The following SLC16A9 variants were observed in gnomAD, a reference collection of about 807,000 sequenced individuals.
SLC16A9 encodes monocarboxylate transporter 9.
Under a neutral mutation model 44.3 loss-of-function variants are expected in SLC16A9, and 26 were observed. The ratio of observed to expected loss-of-function variants is 0.59; its 90% CI spans 0.43 to 0.81. The LOEUF is 0.81. Among genes scored for constraint, SLC16A9 ranks in the 40% least tolerant of loss-of-function variants. SLC16A9 has a pLI of 0.00. For synonymous variants in SLC16A9, 230 were observed against 225.1 expected (o/e 1.02, Z -0.19); for missense variants, 559 against 595.8 (o/e 0.94, Z 0.64).
At chr10:59,666,871 C>CAAAA (rs34639816) in intron 3 of SLC16A9, among the ~76,000 whole-genome samples, 1 of 114,924 alleles carries the variant, frequency 8.7e-6, no homozygotes. Context: ...TATTTTCCAG[C>CAAAA]AAAAAAAAAA....
At chr10:59,663,315 T>C (rs1203142921) in intron 4 of SLC16A9, among the ~76,000 whole-genome samples, 1 of 151,908 alleles carries the variant, frequency 6.6e-6, no homozygotes, top group African/African-American at 2.4e-5. Context: ...GAGCCAAGAT[T>C]GTGCTGTTAC....
intron 2 of SLC16A9, among the ~76,000 whole-genome samples, chr10:59,673,243 T>A (rs888794249): frequency 5.3e-5 from 8 of 152,210 alleles, no homozygotes; most frequent in African/African-American, 9.6e-5. Flanking sequence ...GGGCAACTTA[T>A]TTGATCATTC....
chr10:59,682,745 A>G (rs188836115), intron 2 of SLC16A9, among the ~76,000 whole-genome samples: 2 of 152,318 alleles, frequency 1.3e-5, no homozygotes, highest in Admixed American at 1.3e-4. Flanking sequence ...AATACATTCA[A>G]ATCACATTAT....
At position 59,681,836 on chromosome 10, in the gene SLC16A9, T is replaced by TG. The variant is rs1253317773; in HGVS notation, c.196+2259_196+2260insC. On this transcript the variant is annotated intron_variant, in intron 2 of 5. Coordinates refer to ENST00000395348, the MANE Select transcript of SLC16A9 (RefSeq NM_194298.3). Reference sequence around the variant, plus strand: ...TATATATGATGTATATGTATATGTATATGATGTATATGTATATGTATATGT... The same window carrying TG: ...TATATATGATGTATATGTATATGTATGATGATGTATATGTATATGTATATGT... 1.3e-3 allele frequency among the ~76,000 whole-genome samples: 24 copies of TG among 19,076 alleles called. 4 individuals carry two copies. The highest frequency in any genetic ancestry group is 2.7e-3 in the African/African-American group (18 of 6,744). 12.5% of individuals were successfully genotyped at this position (19,076 alleles called of 152,430 possible). A position where few individuals can be genotyped will look rare whatever the true frequency, so the allele number is the denominator to read the frequency against.
At chr10:59,677,270 T>A (rs147466638) in intron 2 of SLC16A9, among the ~76,000 whole-genome samples, 2 of 151,652 alleles carry the variant, frequency 1.3e-5, no homozygotes, top group African/African-American at 2.4e-5. Flanking sequence ...AAAAAAAAAA[T>A]TATAGAGACA....
chr10:59,678,546 C>CTTTTTTTTCTTTTTTTT (rs751112027), intron 2 of SLC16A9, among the ~76,000 whole-genome samples: 6,119 of 30,452 alleles, frequency 0.2, 1,714 homozygotes, highest in Middle Eastern at 0.45. Context: ...TTTTCTTTTT[C>CTTTTTTTTCTTTTTTTT]TTTTTTTTGA....
At chr10:59,668,959 G>A (rs990162472) in intron 3 of SLC16A9, among the ~76,000 whole-genome samples, 1 of 152,046 alleles carries the variant, frequency 6.6e-6, no homozygotes, top group Non-Finnish European at 1.5e-5. Context: ...ATTACAGTAA[G>A]AGAATCAGAC....
intron 2 of SLC16A9, among the ~76,000 whole-genome samples, chr10:59,676,017 C>T (rs1308593534): frequency 6.6e-6 from 1 of 152,168 alleles, no homozygotes; most frequent in Admixed American, 6.5e-5. Flanking sequence ...TGCCCCCTGG[C>T]GGAATTCTTT....
chr10:59,671,641 C>T (rs1839752611), intron 3 of SLC16A9, among the ~76,000 whole-genome samples: 1 of 152,160 alleles, frequency 6.6e-6, no homozygotes, highest in South Asian at 2.1e-4. Flanking sequence ...AGGTATCATT[C>T]CCTACAACGC....
chr10:59,699,901 AAC>A (rs57820696), intron 1 of SLC16A9, among the ~76,000 whole-genome samples: 9,850 of 147,544 alleles, frequency 0.067, 387 homozygotes, highest in African/African-American at 0.13. Flanking sequence ...CTGCACTGAA[AAC>A]ACACACACAC....
rs34560056 is a variant in SLC16A9, at chr10:59,650,950, C to CGT, written c.*1821_*1822insAC. ...AGGTTATTGGGTTTCCTGAACATAA[C>CGT]TGGCAAAAAGGAACTTTCAACACAA... On this transcript the variant is annotated 3_prime_UTR_variant, in exon 6 of 6. Coordinates refer to ENST00000395348, the MANE Select transcript of SLC16A9 (RefSeq NM_194298.3). The CGT allele has an allele frequency of 1.3e-5, 2 of 150,658 alleles. No individual in the cohort carries two copies. The highest frequency in any genetic ancestry group is 4.9e-5 in the African/African-American group (2 of 41,086). 9.3% of individuals were successfully genotyped at this position (150,658 alleles called of 1,614,324 possible). A position where few individuals can be genotyped will look rare whatever the true frequency, so the allele number is the denominator to read the frequency against.
chr10:59,707,532 G>C lies in SLC16A9; in HGVS notation c.-37+1947C>G, dbSNP rs187817590. Among the ~76,000 whole-genome samples the C allele has an allele frequency of 1.5e-4, 22 of 148,062 alleles. No individual in the cohort carries two copies. The East Asian group carries it at 4.2e-3, about 29-fold the overall frequency. On this transcript the variant is annotated intron_variant, in intron 1 of 5. Coordinates refer to ENST00000395348, the MANE Select transcript of SLC16A9 (RefSeq NM_194298.3). ...CAACATAGTGACTATAGTCACTATA[G>C]TCACAATTTTGAAAATTGTTAAGAT...
chr10:59,700,384 C>T (rs988572878), intron 1 of SLC16A9, among the ~76,000 whole-genome samples: 8 of 152,178 alleles, frequency 5.3e-5, no homozygotes, highest in East Asian at 3.8e-4. Flanking sequence ...CAGTTTGCTG[C>T]GGTTTCCCCA....
intron 1 of SLC16A9, among the ~76,000 whole-genome samples, chr10:59,707,265 GAGGGGAGAGGAGGGAAGGGAAGGGA>G (rs1840660409): frequency 7.6e-6 from 1 of 131,364 alleles, no homozygotes; most frequent in African/African-American, 2.9e-5. Flanking sequence ...CAGAGGAGGG[GAGGGGAGAGGAGGGAAGGGAAGGGA>G]AGGGAAGGGA....
chr10:59,658,583 G>A (rs1839401092), intron 4 of SLC16A9, among the ~76,000 whole-genome samples: 2 of 152,118 alleles, frequency 1.3e-5, no homozygotes, highest in Admixed American at 6.6e-5. Context: ...AGCAAATATA[G>A]TACAGGTGAG....
At chr10:59,685,472 T>C (rs1418445848) in intron 1 of SLC16A9, among the ~76,000 whole-genome samples, 2 of 152,234 alleles carry the variant, frequency 1.3e-5, no homozygotes, top group Non-Finnish European at 2.9e-5. Context: ...TAGATTTCCC[T>C]TATTTTTTAC....
At chr10:59,656,731 A>C (rs1218112127) in intron 4 of SLC16A9, among the ~76,000 whole-genome samples, 1 of 152,204 alleles carries the variant, frequency 6.6e-6, no homozygotes, top group Non-Finnish European at 1.5e-5. Context: ...AAATATAGCC[A>C]TGGTGGTTTG....
intron 2 of SLC16A9, among the ~76,000 whole-genome samples, chr10:59,683,012 G>C (rs1272571457): frequency 6.6e-6 from 1 of 151,242 alleles, no homozygotes; most frequent in African/African-American, 2.4e-5. Flanking sequence ...TGCTTTTTTT[G>C]AAAGACATCC....
chr10:59,669,661 C>A (rs2132443401), intron 3 of SLC16A9, among the ~76,000 whole-genome samples: 1 of 152,246 alleles, frequency 6.6e-6, no homozygotes, highest in East Asian at 1.9e-4. Context: ...CATGGCAAAA[C>A]CCTATCTCCA....
Sources: allele counts gnomAD v4.1 joint callset (sites outside exome capture counted in the v4.1 genomes callset), GRCh38; gene constraint gnomAD v4.1.1; transcripts MANE v1.5; gene names NCBI Gene and HGNC (gene_info 2026-07-23, HGNC 2026-07-21).